ASPH: variants seen among roughly 807,000 people sequenced by gnomAD.
ASPH encodes the protein aspartyl/asparaginyl beta-hydroxylase.
A neutral mutation model predicts 118.4 loss-of-function variants in ASPH; 100 were observed. That is an observed-to-expected ratio of 0.84 (90% confidence interval 0.72 to 1.00). ASPH has a LOEUF of 1.00. Ranked by LOEUF, ASPH falls within the 50% of genes least tolerant of loss-of-function variation. The probability of loss-of-function intolerance (pLI) is 0.00; values close to 1 mark genes in which losing one functional copy is unlikely to be tolerated. For missense variants in ASPH, 920 were observed against 919.5 expected (o/e 1.00, Z -0.01); for synonymous variants, 315 against 325.6 (o/e 0.97, Z 0.35).
intron 15 of ASPH, among the ~76,000 whole-genome samples, chr8:61,581,164 A>G (rs1574195): frequency 0.87 from 132,455 of 152,258 alleles, 57,858 homozygotes; most frequent in African/African-American, 0.91. Flanking sequence ...AGGCTCTGTG[A>G]CTTTCCTGAG....
At chr8:61,543,496 C>T (rs980831547) in intron 21 of ASPH, among the ~76,000 whole-genome samples, 4 of 152,072 alleles carry the variant, frequency 2.6e-5, no homozygotes, top group Non-Finnish European at 5.9e-5. Context: ...TTGGAATTCT[C>T]TATTTGGGGA....
chr8:61,654,240 T>C (rs1812519264), intron 3 of ASPH, among the ~76,000 whole-genome samples: 1 of 152,224 alleles, frequency 6.6e-6, no homozygotes, highest in South Asian at 2.1e-4. Flanking sequence ...TTACAAGTCC[T>C]AATAAGACAG....
At chr8:61,698,712 C>T (rs1834525264) in intron 1 of ASPH, among the ~76,000 whole-genome samples, 2 of 152,134 alleles carry the variant, frequency 1.3e-5, no homozygotes, top group Non-Finnish European at 2.9e-5. Context: ...GGGCTGTTAG[C>T]CGCCAGTCAA....
At chr8:61,615,067 G>A (rs529444899) in intron 14 of ASPH, among the ~76,000 whole-genome samples, 2 of 152,250 alleles carry the variant, frequency 1.3e-5, no homozygotes, top group South Asian at 4.1e-4. Flanking sequence ...CCATCTCACT[G>A]GAGGTAATAC....
chr8:61,537,195 A>G (rs915510929), intron 21 of ASPH, among the ~76,000 whole-genome samples: 2 of 152,138 alleles, frequency 1.3e-5, no homozygotes, highest in African/African-American at 2.4e-5. Flanking sequence ...GAAGATGGGG[A>G]GCTGACTTCA....
At chr8:61,593,623 G>C (rs1841786726) in intron 14 of ASPH, among the ~76,000 whole-genome samples, 1 of 152,144 alleles carries the variant, frequency 6.6e-6, no homozygotes, top group Non-Finnish European at 1.5e-5. Context: ...AAGTATTCCA[G>C]TTTATTACAT....
chr8:61,650,071 A>G (rs2350589), intron 5 of ASPH, among the ~76,000 whole-genome samples: 149,314 of 152,148 alleles, frequency 0.98, 73,273 homozygotes, highest in Middle Eastern at 1. Flanking sequence ...AGAGCTTCCC[A>G]TATTTTATTA....
At chr8:61,675,161 A>G in intron 3 of ASPH, 1 of 367,466 alleles carries the variant, frequency 2.7e-6, no homozygotes, top group Non-Finnish European at 3.8e-6. Context: ...TGGAATTACC[A>G]CTTCAATAAG....
intron 21 of ASPH, among the ~76,000 whole-genome samples, chr8:61,541,069 T>C (rs1821729297): frequency 6.6e-6 from 1 of 152,034 alleles, no homozygotes; most frequent in Non-Finnish European, 1.5e-5. Flanking sequence ...ACCATCCTGG[T>C]TAACAAGGGG....
intron 24 of ASPH, among the ~76,000 whole-genome samples, chr8:61,508,140 G>A (rs562610660): frequency 2.0e-5 from 3 of 152,176 alleles, no homozygotes; most frequent in South Asian, 2.1e-4. Flanking sequence ...TCAGTCTCCC[G>A]AGTACCTAGG....
rs112539149 is a variant in ASPH, at chr8:61,670,049, C to T, written c.322+10919G>A. ...AAGGATCATCTTATGCTTTTCTGAACTTAAAAACATAGCCAATAATTTTTC... is the reference window on the plus strand; with the variant it reads ...AAGGATCATCTTATGCTTTTCTGAATTTAAAAACATAGCCAATAATTTTTC... On this transcript the variant is annotated intron_variant, in intron 3 of 24. Coordinates refer to ENST00000379454, the MANE Select transcript of ASPH (RefSeq NM_004318.4). Among the ~76,000 whole-genome samples, 905 of 152,132 alleles carry T rather than the reference C, an allele frequency of 5.9e-3. 2 individuals carry two copies. Among genetic ancestry groups the T allele is most frequent in the South Asian group, 9.1e-3 (44 of 4,824 alleles).
chr8:61,681,214 A>T (rs1827888365), intron 2 of ASPH, among the ~76,000 whole-genome samples, 178 bp from the exon 3 acceptor site: 1 of 151,824 alleles, frequency 6.6e-6, no homozygotes, highest in Non-Finnish European at 1.5e-5. Flanking sequence ...AATAGCGAGC[A>T]ATTCAGTTAA....
intron 2 of ASPH, among the ~76,000 whole-genome samples, chr8:61,681,663 A>C (rs982096999): frequency 1.1e-4 from 16 of 151,994 alleles, no homozygotes; most frequent in Admixed American, 9.8e-4. Context: ...TATAAAGGAA[A>C]ACTTATGATT....
chr8:61,677,164 AT>A (rs1405219821), intron 3 of ASPH, among the ~76,000 whole-genome samples: 1 of 152,138 alleles, frequency 6.6e-6, no homozygotes, highest in Non-Finnish European at 1.5e-5. Context: ...ATTAGCTTCT[AT>A]TGCTAAGACC....
rs375160251 is a variant in ASPH at position 61,651,148 on chromosome 8, T to C, written c.416-24A>G. On this transcript the variant is annotated intron_variant, in intron 4 of 24. Coordinates refer to ENST00000379454, the MANE Select transcript of ASPH (RefSeq NM_004318.4). Reference sequence around the variant, plus strand: ...TTCTAAAATAATTGCAAAACATAGCTAAGTAGAAAAGCTCAAACATCAACA... The same window carrying C: ...TTCTAAAATAATTGCAAAACATAGCCAAGTAGAAAAGCTCAAACATCAACA... 285 of 1,599,262 alleles carry C rather than the reference T, an allele frequency of 1.8e-4. No homozygotes were observed. The African/African-American group carries it at 2.3e-3, about 13-fold the overall frequency.
At chr8:61,529,305 G>A (rs1367200263) in intron 21 of ASPH, among the ~76,000 whole-genome samples, 1 of 152,162 alleles carries the variant, frequency 6.6e-6, no homozygotes, top group Non-Finnish European at 1.5e-5. Context: ...AGATTTACTG[G>A]GTACCTGTGA....
At chr8:61,575,102 C>A (rs1587457261) in intron 16 of ASPH, among the ~76,000 whole-genome samples, 1 of 152,144 alleles carries the variant, frequency 6.6e-6, no homozygotes, top group Non-Finnish European at 1.5e-5. Flanking sequence ...TGTTGTCTCC[C>A]CAGAGAGACC....
At chr8:61,605,945 C>T (rs1407793414) in intron 14 of ASPH, among the ~76,000 whole-genome samples, 3 of 152,218 alleles carry the variant, frequency 2.0e-5, no homozygotes, top group African/African-American at 7.2e-5. Context: ...CCAGTAAGAG[C>T]ACTGTCAAGC....
chr8:61,582,407 T>C (rs548774242), intron 15 of ASPH, among the ~76,000 whole-genome samples: 3 of 152,262 alleles, frequency 2.0e-5, no homozygotes, highest in East Asian at 3.9e-4. Flanking sequence ...AAAGTGGAGG[T>C]TGCCAAAGGA....
Sources: allele counts gnomAD v4.1 joint callset (sites outside exome capture counted in the v4.1 genomes callset), GRCh38; gene constraint gnomAD v4.1.1; transcripts MANE v1.5; gene names NCBI Gene and HGNC (gene_info 2026-07-23, HGNC 2026-07-21).